Variants in DAP observed in about 807,000 individuals in gnomAD.
The protein encoded by DAP is death associated protein, also known as death-associated protein 1.
In DAP, 8 loss-of-function variants were observed where a neutral mutation model predicts 13.8. That is an observed-to-expected ratio of 0.58 (90% CI 0.34 to 1.05). The LOEUF (loss-of-function observed/expected upper bound fraction) is 1.05. Among genes scored for constraint, DAP ranks in the 50% least tolerant of loss-of-function variants. DAP has a pLI of 0.03. For missense variants in DAP, 106 were observed against 133.2 expected (o/e 0.80, Z 1.01); for synonymous variants, 47 against 47.5 (o/e 0.99, Z 0.04).
At chr5:10,698,102 G>A (rs1055681635) in intron 2 of DAP, among the ~76,000 whole-genome samples, 3 of 151,926 alleles carry the variant, frequency 2.0e-5, no homozygotes, top group African/African-American at 4.8e-5. Flanking sequence ...AGCAAGGGAG[G>A]GAGTTGGTGA....
chr5:10,728,889 T>G (rs1397516859), intron 2 of DAP, among the ~76,000 whole-genome samples: 1 of 152,110 alleles, frequency 6.6e-6, no homozygotes, highest in African/African-American at 2.4e-5. Context: ...ATGACATCAT[T>G]TATTCTGCTT....
At chr5:10,699,011 A>G (rs986998374) in intron 2 of DAP, among the ~76,000 whole-genome samples, 4 of 152,200 alleles carry the variant, frequency 2.6e-5, no homozygotes, top group African/African-American at 7.2e-5. Context: ...GTGAGCTCTA[A>G]AAGTCCCAAA....
At chr5:10,734,675 C>T (rs1274773204) in intron 2 of DAP, among the ~76,000 whole-genome samples, 1 of 152,152 alleles carries the variant, frequency 6.6e-6, no homozygotes, top group Admixed American at 6.5e-5. Context: ...TTCTACTGAT[C>T]ATGCTAAAAT....
At chr5:10,722,317 C>T (rs1352312014) in intron 2 of DAP, among the ~76,000 whole-genome samples, 1 of 152,090 alleles carries the variant, frequency 6.6e-6, no homozygotes, top group Non-Finnish European at 1.5e-5. Context: ...ACTGGCCTCA[C>T]CTCCCAGCCT....
intron 2 of DAP, among the ~76,000 whole-genome samples, chr5:10,718,625 T>C (rs1157202585): frequency 6.6e-6 from 1 of 152,242 alleles, no homozygotes; most frequent in Non-Finnish European, 1.5e-5. Flanking sequence ...TCTTGGGGAA[T>C]AACAGTGGAT....
At chr5:10,690,910 G>A (rs753235367) in intron 2 of DAP, among the ~76,000 whole-genome samples, 3 of 152,184 alleles carry the variant, frequency 2.0e-5, no homozygotes, top group Non-Finnish European at 4.4e-5. Flanking sequence ...CAACGCACAT[G>A]GGTTCCTATT....
In DAP at chr5:10,698,488, T is replaced by C. The variant is rs996577830; in HGVS notation, c.153-14917A>G. Among the ~76,000 whole-genome samples, 7 of 152,184 alleles carry C rather than the reference T, an allele frequency of 4.6e-5. No individual in the cohort carries two copies. In the South Asian group the frequency reaches 8.3e-4, roughly 18 times the overall value. ...GAGCGCAGCAGGGCAGGCTGTGGTA[T>C]AGACCAGCATCAAAGGCCCCTAAAG... On this transcript the variant is annotated intron_variant, in intron 2 of 3. Transcript: ENST00000230895.
chr5:10,699,839 G>A (rs1360470180), intron 2 of DAP, among the ~76,000 whole-genome samples: 1 of 152,234 alleles, frequency 6.6e-6, no homozygotes, highest in Admixed American at 6.5e-5. Flanking sequence ...GGTTCCCTGG[G>A]GTGTCCCCTG....
intron 2 of DAP, among the ~76,000 whole-genome samples, chr5:10,708,307 GAGACACACAGACAC>G (rs1225417720): frequency 6.6e-6 from 1 of 151,610 alleles, no homozygotes; most frequent in African/African-American, 2.4e-5. Flanking sequence ...CACACACATA[GAGACACACAGACAC>G]AGACACACAC....
chr5:10,757,030 C>T (rs1173713410), intron 1 of DAP, among the ~76,000 whole-genome samples: 1 of 152,218 alleles, frequency 6.6e-6, no homozygotes, highest in African/African-American at 2.4e-5. Flanking sequence ...TTTGCCAGGA[C>T]ATGATGCAGT....
At chr5:10,745,384 T>C (rs1464135009) in intron 2 of DAP, among the ~76,000 whole-genome samples, 1 of 152,214 alleles carries the variant, frequency 6.6e-6, no homozygotes, top group Non-Finnish European at 1.5e-5. Context: ...GCAATTTGGC[T>C]GCAGGGAACA....
Position 10,754,993 on chromosome 5 carries a change from C to T in DAP, c.55+6021G>A, listed in dbSNP as rs149087604. ...GGTTGTAGATGGAATTAAGGTTGCTCATCAGCTGACTGTAAGCTGAGGAAG... is the reference window on the plus strand; with the variant it reads ...GGTTGTAGATGGAATTAAGGTTGCTTATCAGCTGACTGTAAGCTGAGGAAG... On this transcript the variant is annotated intron_variant, in intron 1 of 3. Transcript: ENST00000230895. Among the ~76,000 whole-genome samples the T allele has an allele frequency of 3.5e-3, 529 of 152,280 alleles. 3 individuals are homozygous for T. Among genetic ancestry groups the T allele is most frequent in the African/African-American group, 0.012 (506 of 41,550 alleles).
intron 1 of DAP, among the ~76,000 whole-genome samples, chr5:10,758,395 TGTTG>T (rs1740248847): frequency 6.7e-6 from 1 of 149,716 alleles, no homozygotes; most frequent in Non-Finnish European, 1.5e-5. Context: ...TGAGGGGTGC[TGTTG>T]GCATTTGAGG....
intron 1 of DAP, among the ~76,000 whole-genome samples, chr5:10,753,420 A>G (rs1740095462): frequency 6.6e-6 from 1 of 152,230 alleles, no homozygotes; most frequent in Non-Finnish European, 1.5e-5. Context: ...CACTACCTAG[A>G]TAAGGGAAGG....
chr5:10,707,614 C>T lies in DAP; in HGVS notation c.153-24043G>A, dbSNP rs913551756. Among the ~76,000 whole-genome samples, 3 of 147,546 alleles carry T rather than the reference C, an allele frequency of 2.0e-5. No individual in the cohort carries two copies. Among genetic ancestry groups the T allele is most frequent in the African/African-American group, 7.6e-5 (3 of 39,370 alleles). ...GATGTGATTTGTGAGCAGTGTGGTG[C>T]ACAGGCGGCGTGATGTACAGGTGGT... On this transcript the variant is annotated intron_variant, in intron 2 of 3. Coordinates refer to ENST00000230895, the MANE Select transcript of DAP (RefSeq NM_004394.3). This position sits in a 1 kb window ranked among gnomAD's most constrained non-coding sequence, Gnocchi z 4.0.
At position 10,698,391 on chromosome 5, in the gene DAP, T is replaced by C. The variant is rs1199752602; in HGVS notation, c.153-14820A>G. On this transcript the variant is annotated intron_variant, in intron 2 of 3. Coordinates refer to ENST00000230895, the MANE Select transcript of DAP (RefSeq NM_004394.3). ...AAACCAGCTAGTGAGTTGGGATAAC[T>C]TACGTTCAACCCAACAACCCTACCT... 3.3e-5 allele frequency among the ~76,000 whole-genome samples: 5 copies of C among 151,378 alleles called. No homozygotes were observed. The East Asian group carries it at 9.7e-4, about 30-fold the overall frequency.
intron 2 of DAP, among the ~76,000 whole-genome samples, chr5:10,738,217 T>C (rs1253027861): frequency 6.6e-6 from 1 of 152,234 alleles, no homozygotes; most frequent in Non-Finnish European, 1.5e-5. Flanking sequence ...ATACAGTATA[T>C]CTGCAGTAGT....
Position 10,725,604 on chromosome 5 carries a change from T to C in DAP, c.152+22571A>G, listed in dbSNP as rs556362719. Among the ~76,000 whole-genome samples, 31 of 152,364 alleles carry C rather than the reference T, an allele frequency of 2.0e-4. No individual in the cohort carries two copies. The South Asian group carries it at 2.7e-3, about 13-fold the overall frequency. Reference sequence around the variant, plus strand: ...ATCACTGAAACTCCTCTGTCTTAAATGAGCTTGATGGAAAGCAGTCCCTAA... The same window carrying C: ...ATCACTGAAACTCCTCTGTCTTAAACGAGCTTGATGGAAAGCAGTCCCTAA... On this transcript the variant is annotated intron_variant, in intron 2 of 3. Coordinates refer to ENST00000230895, the MANE Select transcript of DAP (RefSeq NM_004394.3).
chr5:10,690,646 C>A (rs963723915), intron 2 of DAP, among the ~76,000 whole-genome samples: 1 of 152,182 alleles, frequency 6.6e-6, no homozygotes, highest in African/African-American at 2.4e-5. Flanking sequence ...TTTTTTGAGG[C>A]TGAATAACAT....
Sources: gnomAD v4.1 joint callset for allele counts (sites outside exome capture counted in the v4.1 genomes callset) on GRCh38, gnomAD v4.1.1 for gene constraint, Gnocchi (gnomAD v3.1) non-coding constraint, MANE v1.5 for transcripts, NCBI Gene and HGNC (gene_info 2026-07-23, HGNC 2026-07-21) for gene names.